GALNT13: variants seen among roughly 807,000 people sequenced by gnomAD.
GALNT13 encodes the protein polypeptide N-acetylgalactosaminyltransferase 13.
A neutral mutation model predicts 64.2 loss-of-function variants in GALNT13; 28 were observed. The ratio of observed to expected loss-of-function variants is 0.44; its 90% CI spans 0.32 to 0.60. The LOEUF (loss-of-function observed/expected upper bound fraction) is 0.60. Ranked by LOEUF, GALNT13 falls within the 20% of genes least tolerant of loss-of-function variation. The probability of loss-of-function intolerance (pLI) is 0.05; values close to 1 mark genes in which losing one functional copy is unlikely to be tolerated. For synonymous variants in GALNT13, 214 were observed against 224.6 expected (o/e 0.95, Z 0.42); for missense variants, 577 against 669.8 (o/e 0.86, Z 1.53).
At chr2:153,808,981 C>T in the GALNT13 span, among the ~76,000 whole-genome samples, 2 of 152,174 alleles carry the variant, frequency 1.3e-5, no homozygotes, top group Non-Finnish European at 2.9e-5. Flanking sequence ...GACTGTTTTA[C>T]CCTTAAATTT....
the GALNT13 span, among the ~76,000 whole-genome samples, chr2:153,219,199 C>G: frequency 6.6e-6 from 1 of 152,140 alleles, no homozygotes; most frequent in South Asian, 2.1e-4. Flanking sequence ...GAATTTTCTT[C>G]AGAAAACTAG....
the GALNT13 span, among the ~76,000 whole-genome samples, chr2:153,593,987 A>G: frequency 6.6e-6 from 1 of 152,192 alleles, no homozygotes; most frequent in East Asian, 1.9e-4. Flanking sequence ...CACATTGACA[A>G]TATGCATCAT....
At chr2:153,987,799 CA>C (rs1260652188) in intron 3 of GALNT13, among the ~76,000 whole-genome samples, 1 of 151,470 alleles carries the variant, frequency 6.6e-6, no homozygotes, top group Non-Finnish European at 1.5e-5. Context: ...AGCATCTTTG[CA>C]GAGAAGGATG....
At chr2:153,605,733 G>A in the GALNT13 span, among the ~76,000 whole-genome samples, 1 of 152,098 alleles carries the variant, frequency 6.6e-6, no homozygotes, top group African/African-American at 2.4e-5. Flanking sequence ...ACACATGTAA[G>A]CAAAACTGTC....
At chr2:153,435,800 C>G in the GALNT13 span, among the ~76,000 whole-genome samples, 3 of 151,992 alleles carry the variant, frequency 2.0e-5, no homozygotes, top group Admixed American at 2.0e-4. Context: ...TCCTCTTTTC[C>G]TAATTGAATA....
At chr2:153,960,081 AG>A (rs1294984593) in intron 3 of GALNT13, among the ~76,000 whole-genome samples, 1 of 152,200 alleles carries the variant, frequency 6.6e-6, no homozygotes, top group Non-Finnish European at 1.5e-5. Flanking sequence ...ACTGCCTGCC[AG>A]GGAAAATAGT....
intron 4 of GALNT13, among the ~76,000 whole-genome samples, chr2:154,191,347 A>G (rs150064884): frequency 3.9e-4 from 60 of 152,304 alleles, no homozygotes; most frequent in African/African-American, 1.3e-3. Flanking sequence ...GTTTAGATGT[A>G]TTTAGACTTT....
At chr2:153,934,313 G>A (rs1178194695) in intron 2 of GALNT13, among the ~76,000 whole-genome samples, 1 of 152,148 alleles carries the variant, frequency 6.6e-6, no homozygotes, top group Non-Finnish European at 1.5e-5. Flanking sequence ...TTTAGTGAGT[G>A]TATCTGTAAA....
intron 1 of GALNT13, among the ~76,000 whole-genome samples, chr2:153,881,735 TC>T (rs1158235251): frequency 1.3e-5 from 2 of 152,194 alleles, no homozygotes; most frequent in Admixed American, 1.3e-4. Context: ...CTTCAATTAA[TC>T]TTTTTTTGCA....
At chr2:153,256,707 G>T in the GALNT13 span, among the ~76,000 whole-genome samples, 12 of 152,086 alleles carry the variant, frequency 7.9e-5, no homozygotes, top group African/African-American at 1.4e-4. Context: ...TGGAGTACCA[G>T]GCCGTGTGAG....
intron 9 of GALNT13, among the ~76,000 whole-genome samples, chr2:154,369,307 C>T (rs1697549780): frequency 6.6e-6 from 1 of 151,920 alleles, no homozygotes; most frequent in South Asian, 2.1e-4. Flanking sequence ...TACATGTAAC[C>T]TGGGGTAAGA....
intron 3 of GALNT13, among the ~76,000 whole-genome samples, chr2:154,125,897 A>G (rs922362234): frequency 6.6e-6 from 1 of 152,194 alleles, no homozygotes; most frequent in African/African-American, 2.4e-5. Context: ...TAAGAGTAGA[A>G]TGCCTTCATT....
chr2:153,157,199 AG>A, the GALNT13 span, among the ~76,000 whole-genome samples: 7 of 152,216 alleles, frequency 4.6e-5, no homozygotes, highest in Non-Finnish European at 8.8e-5. Flanking sequence ...TTTAATAAAA[AG>A]CCATGTTTGT....
chr2:154,190,053 T>C (rs1686489391), intron 4 of GALNT13, among the ~76,000 whole-genome samples: 1 of 152,210 alleles, frequency 6.6e-6, no homozygotes, highest in African/African-American at 2.4e-5. Flanking sequence ...CTTGTGTGTG[T>C]TTTTCGTTAT....
intron 8 of GALNT13, among the ~76,000 whole-genome samples, chr2:154,299,085 T>G (rs1233839316): frequency 6.7e-6 from 1 of 148,732 alleles, no homozygotes; most frequent in Non-Finnish European, 1.5e-5. Flanking sequence ...TTATATTATT[T>G]AATGGTAAAA....
intron 3 of GALNT13, among the ~76,000 whole-genome samples, chr2:154,003,385 G>A (rs186714809): frequency 5.9e-5 from 9 of 152,226 alleles, no homozygotes; most frequent in Admixed American, 6.5e-5. Flanking sequence ...CTTGGGAGAC[G>A]TGGGCGTTTA....
the GALNT13 span, among the ~76,000 whole-genome samples, chr2:153,177,784 T>G: frequency 6.6e-6 from 1 of 152,164 alleles, no homozygotes; most frequent in Non-Finnish European, 1.5e-5. Flanking sequence ...TTTACTATAT[T>G]GATTACACTG....
chr2:154,300,660 A>G (rs1454382003), intron 8 of GALNT13, among the ~76,000 whole-genome samples: 1 of 152,152 alleles, frequency 6.6e-6, no homozygotes, highest in Non-Finnish European at 1.5e-5. Context: ...ATAATTTCAT[A>G]GAAATCAGTA....
At chr2:153,300,353 G>A in the GALNT13 span, among the ~76,000 whole-genome samples, 206 of 152,148 alleles carry the variant, frequency 1.4e-3, 6 homozygotes, top group East Asian at 0.036. Context: ...TACAGTATAC[G>A]GTAAAGGAAT....
Sources: gnomAD v4.1 joint callset for allele counts (sites outside exome capture counted in the v4.1 genomes callset) on GRCh38, gnomAD v4.1.1 for gene constraint, MANE v1.5 for transcripts, NCBI Gene and HGNC (gene_info 2026-07-23, HGNC 2026-07-21) for gene names.